Variants in CACNA1C observed in about 807,000 individuals in gnomAD.
CACNA1C encodes calcium voltage-gated channel subunit alpha1 C.
In CACNA1C, 30 loss-of-function variants were observed where a neutral mutation model predicts 229.0. The ratio of observed to expected loss-of-function variants is 0.13; its 90% CI spans 0.10 to 0.18. CACNA1C has a LOEUF of 0.18. Among genes scored for constraint, CACNA1C ranks in the 10% least tolerant of loss-of-function variants. The pLI is 1.00. For synonymous variants in CACNA1C, 1,114 were observed against 1,132.5 expected, an observed-to-expected ratio of 0.98 and a Z score of 0.33; for missense variants, 1,658 against 2,845.0, an observed-to-expected ratio of 0.58 and a Z score of 9.49.
Position 2,410,329 on chromosome 12 carries a change from G to A in CACNA1C, c.478-38647G>A, listed in dbSNP as rs543331784. ...CAACCCTGGCCTCCCATTCACAGCAGAAAAGGGCACAAGGCCCTTCGTGTC... is the reference window on the plus strand; with the variant it reads ...CAACCCTGGCCTCCCATTCACAGCAAAAAAGGGCACAAGGCCCTTCGTGTC... On this transcript the variant is annotated intron_variant, in intron 3 of 46. Transcript: ENST00000399655. This position sits in a 1 kb window ranked among gnomAD's most constrained non-coding sequence, Gnocchi z 5.3. 2.4e-4 allele frequency among the ~76,000 whole-genome samples: 36 copies of A among 152,294 alleles called. No individual in the cohort carries two copies. The highest frequency in any genetic ancestry group is 3.8e-4 in the Non-Finnish European group (26 of 68,032).
At chr12:2,378,679 G>A (rs1298918608) in intron 3 of CACNA1C, among the ~76,000 whole-genome samples, 2 of 152,298 alleles carry the variant, frequency 1.3e-5, no homozygotes, top group Non-Finnish European at 2.9e-5. Context: ...AATACTCCCC[G>A]TGGGGGAAGA....
chr12:2,585,294 G>C lies in CACNA1C; in HGVS notation c.2340-82G>C, dbSNP rs1410816138. 21 of 1,426,928 alleles carry C rather than the reference G, an allele frequency of 1.5e-5. No homozygotes were observed. The highest frequency in any genetic ancestry group is 2.0e-5 in the Non-Finnish European group (21 of 1,061,192). 88.4% of individuals were successfully genotyped at this position (1,426,928 alleles called of 1,614,324 possible). ...GATCTGTCCCCTCTGGCCCCAACAGGCCACAGGGCGGTTCCCTCCTACACT... is the reference window on the plus strand; with the variant it reads ...GATCTGTCCCCTCTGGCCCCAACAGCCCACAGGGCGGTTCCCTCCTACACT... On this transcript the variant is annotated intron_variant, in intron 16 of 46. Coordinates refer to ENST00000399655, the MANE Select transcript of CACNA1C (RefSeq NM_000719.7). The surrounding 1 kb of genome is among the most constrained non-coding windows in gnomAD (Gnocchi z 4.1).
In CACNA1C at chr12:2,654,870, A is replaced by G. The variant is rs564767207; in HGVS notation, c.4141-277A>G. On this transcript the variant is annotated intron_variant, in intron 33 of 46. Coordinates refer to ENST00000399655, the MANE Select transcript of CACNA1C (RefSeq NM_000719.7). This position sits in a 1 kb window ranked among gnomAD's most constrained non-coding sequence, Gnocchi z 4.4. ...CTGTCAGAAGCAGGATCCCGGTCCC[A>G]GCATCCACCGCTCTCAGCCCCAGCT... Among the ~76,000 whole-genome samples, 1 of 152,314 alleles carries G rather than the reference A, an allele frequency of 6.6e-6. No homozygotes were observed. Among genetic ancestry groups the G allele is most frequent in the Non-Finnish European group, 1.5e-5 (1 of 68,026 alleles).
At chr12:2,641,437 A>G (rs1205591719) in intron 30 of CACNA1C, 1 of 460,248 alleles carries the variant, frequency 2.2e-6, no homozygotes, top group South Asian at 2.5e-5. Flanking sequence ...TCTAGGACAC[A>G]TAGATTAAAT....
At chr12:2,450,322 A>C (rs7139014) in intron 4 of CACNA1C, among the ~76,000 whole-genome samples, 1 of 152,084 alleles carries the variant, frequency 6.6e-6, no homozygotes, top group African/African-American at 2.4e-5. Flanking sequence ...TGGGAGGCCA[A>C]GGCGGGCGGA....
At position 2,566,553 on chromosome 12, in the gene CACNA1C, A is replaced by C; in HGVS notation, c.1640A>C (p.Asn547Thr). 1 of 1,599,140 alleles carries C rather than the reference A, an allele frequency of 6.3e-7. No homozygotes were observed. Among genetic ancestry groups the C allele is most frequent in the Non-Finnish European group, 8.5e-7 (1 of 1,173,112 alleles). Residue 547 changes from asparagine (N) to threonine (T), a missense_variant, in exon 12 of 47, where the codon AAC (asparagine) becomes ACC (threonine). Asn to Thr is a moderately conservative substitution (Grantham distance 65). Coordinates refer to ENST00000399655, the MANE Select transcript of CACNA1C (RefSeq NM_000719.7). This position sits in a 1 kb window ranked among gnomAD's most constrained non-coding sequence, Gnocchi z 4.0. ...CTCACCATTGCCTCTGAGCACTACA[A>C]CCAGCCCAACTGGCTCACAGAAGTC... ...NTLTIASEHY[N>T]QPNWLTEVQD...
At chr12:2,277,362 GACACACAC>G (rs59258094) in intron 3 of CACNA1C, among the ~76,000 whole-genome samples, 6,226 of 70,116 alleles carry the variant, frequency 0.089, 200 homozygotes, top group Admixed American at 0.15. Flanking sequence ...CAGACAGACA[GACACACAC>G]ACACACACAC....
chr12:2,169,726 C>G (rs139210663), intron 3 of CACNA1C, among the ~76,000 whole-genome samples: 1 of 152,294 alleles, frequency 6.6e-6, no homozygotes, highest in Non-Finnish European at 1.5e-5. Context: ...GGACTCTGCT[C>G]CTACTATTTG....
Position 2,593,313 on chromosome 12 carries a change from C to G in CACNA1C, c.2631C>G (p.Ala877=), listed in dbSNP as rs2066357602. The part of the protein sequence containing the change: ...LKEKAVPMPE[A]SAFFIFSSNN... ...AAAAGGCAGTGCCCATGCCAGAAGCCAGCGCGTTTTTCATCTTCAGCTCTA... is the reference window on the plus strand; with the variant it reads ...AAAAGGCAGTGCCCATGCCAGAAGCGAGCGCGTTTTTCATCTTCAGCTCTA... The change falls in exon 19 of 47, where the codon GCC becomes GCG. Residue 877 remains alanine, a synonymous_variant. Coordinates refer to ENST00000399655, the MANE Select transcript of CACNA1C (RefSeq NM_000719.7). 2 of 1,613,900 alleles carry G rather than the reference C, an allele frequency of 1.2e-6. No individual in the cohort carries two copies. The highest frequency in any genetic ancestry group is 2.7e-5 in the African/African-American group (2 of 75,050).
rs1410458709 is a variant in CACNA1C, at chr12:2,595,112, T to C, written c.2664-762T>C. Reference sequence around the variant, plus strand: ...GTTTGGCCCTTCGAGGGTTTGGTGCTTCTGCAGCAGGAGGGCTTCTCAGAG... The same window carrying C: ...GTTTGGCCCTTCGAGGGTTTGGTGCCTCTGCAGCAGGAGGGCTTCTCAGAG... On this transcript the variant is annotated intron_variant, in intron 19 of 46. Transcript: ENST00000399655. This position sits in a 1 kb window ranked among gnomAD's most constrained non-coding sequence, Gnocchi z 4.1. Among the ~76,000 whole-genome samples, 2 of 152,188 alleles carry C rather than the reference T, an allele frequency of 1.3e-5. No individual in the cohort carries two copies.
intron 3 of CACNA1C, among the ~76,000 whole-genome samples, chr12:2,176,760 C>G (rs904538996): frequency 5.9e-5 from 9 of 152,198 alleles, no homozygotes; most frequent in Admixed American, 3.9e-4. Context: ...GGCTACATGT[C>G]CATCACCCCA....
chr12:2,158,595 G>T (rs777539475), intron 3 of CACNA1C, among the ~76,000 whole-genome samples: 1 of 152,160 alleles, frequency 6.6e-6, no homozygotes, highest in South Asian at 2.1e-4. Context: ...TGATTTACCC[G>T]CAGCCATGTG....
At chr12:2,107,944 A>G (rs997025789) in intron 1 of CACNA1C, among the ~76,000 whole-genome samples, 8 of 152,324 alleles carry the variant, frequency 5.3e-5, no homozygotes, top group Middle Eastern at 3.4e-3. Context: ...GGGCGCCTCT[A>G]GCCACATGTG....
chr12:2,503,937 G>T (rs2154577046), intron 7 of CACNA1C, among the ~76,000 whole-genome samples: 1 of 152,340 alleles, frequency 6.6e-6, no homozygotes, highest in East Asian at 1.9e-4. Context: ...CCACGGTCCA[G>T]GTGGCCAAGG....
At chr12:2,457,748 C>T in intron 5 of CACNA1C, 42 bp downstream of exon 5, 1 of 1,472,486 alleles carries the variant, frequency 6.8e-7, no homozygotes, top group Non-Finnish European at 9.0e-7. Context: ...ATCTCCTCAC[C>T]ACCTTCTGCT....
At chr12:2,178,878 A>G (rs1244905420) in intron 3 of CACNA1C, among the ~76,000 whole-genome samples, 1 of 152,156 alleles carries the variant, frequency 6.6e-6, no homozygotes, top group Non-Finnish European at 1.5e-5. Context: ...CCTGGCCAAC[A>G]TGACAAAACC....
intron 1 of CACNA1C, among the ~76,000 whole-genome samples, chr12:2,086,651 A>T (rs2067793534): frequency 6.6e-6 from 1 of 152,178 alleles, no homozygotes; most frequent in Non-Finnish European, 1.5e-5. Flanking sequence ...ATGGTGACTC[A>T]GTGAGCATGG....
intron 3 of CACNA1C, among the ~76,000 whole-genome samples, chr12:2,447,027 G>A (rs1373629247): frequency 6.6e-6 from 1 of 152,132 alleles, no homozygotes; most frequent in African/African-American, 2.4e-5. Flanking sequence ...AATATAGAAA[G>A]AGGTGACCCT....
At chr12:2,312,001 C>T (rs1031151087) in intron 3 of CACNA1C, among the ~76,000 whole-genome samples, 1 of 152,124 alleles carries the variant, frequency 6.6e-6, no homozygotes, top group Non-Finnish European at 1.5e-5. Context: ...ACTAGGAGAA[C>T]CCCTGGAATA....
Sources: gnomAD v4.1 joint callset for allele counts (sites outside exome capture counted in the v4.1 genomes callset) on GRCh38, gnomAD v4.1.1 for gene constraint, Gnocchi (gnomAD v3.1) non-coding constraint, MANE v1.5 for transcripts, NCBI Gene and HGNC (gene_info 2026-07-23, HGNC 2026-07-21) for gene names.